Variants in TRIO observed in about 807,000 individuals in gnomAD.
TRIO encodes the protein trio Rho guanine nucleotide exchange factor, also known as triple functional domain protein.
A neutral mutation model predicts 351.9 loss-of-function variants in TRIO; 58 were observed. That is an observed-to-expected ratio of 0.16 (90% CI 0.13 to 0.21). The LOEUF is 0.21. TRIO is among the 10% of genes least tolerant of loss of function. The pLI, the probability that TRIO is intolerant of heterozygous loss-of-function variation, is 1.00. For missense variants in TRIO, 3,201 were observed against 4,027.8 expected, an observed-to-expected ratio of 0.79 and a Z score of 5.56; for synonymous variants, 1,758 against 1,595.7, an observed-to-expected ratio of 1.10 and a Z score of -2.42.
rs142212855 is a variant in TRIO at position 14,215,561 on chromosome 5, A to T, written c.158-55264A>T. Among the ~76,000 whole-genome samples, 15 of 152,334 alleles carry T rather than the reference A, an allele frequency of 9.8e-5. No individual in the cohort carries two copies. In the South Asian group the frequency reaches 2.9e-3, roughly 29 times the overall value. ...GGTTTTTCATCCATAAAATGGCTTT[A>T]GACTAAATGATTCCTTAAGTTTCTT... On this transcript the variant is annotated intron_variant, in intron 1 of 56. Coordinates refer to ENST00000344204, the MANE Select transcript of TRIO (RefSeq NM_007118.4).
intron 8 of TRIO, among the ~76,000 whole-genome samples, chr5:14,309,151 C>T (rs1393927245): frequency 7.3e-6 from 1 of 137,650 alleles, no homozygotes; most frequent in Admixed American, 8.7e-5. Flanking sequence ...CTATCTGTGT[C>T]TATCTGTATT....
chr5:14,419,867 G>A lies in TRIO; in HGVS notation c.5049G>A (p.Val1683=). 3 of 1,614,196 alleles carry A rather than the reference G, an allele frequency of 1.9e-6. No individual in the cohort carries two copies. Among genetic ancestry groups the A allele is most frequent in the Non-Finnish European group, 2.5e-6 (3 of 1,180,006 alleles). ...NELTIRRGQT[V]EVLERPHDKP... ...TGACCATCCGACGGGGCCAGACCGT[G>A]GAAGTTCTGGAGCGGCCGCATGACA... Residue 1683 remains valine (V), a synonymous_variant, in exon 34 of 57, where the codon GTG becomes GTA. Transcript: ENST00000344204.
At position 14,290,936 on chromosome 5, in the gene TRIO, G is replaced by A. The variant is rs928651686; in HGVS notation, c.761G>A (p.Arg254Gln). 5 of 1,614,142 alleles carry A rather than the reference G, an allele frequency of 3.1e-6. No individual in the cohort carries two copies. The highest frequency in any genetic ancestry group is 1.7e-5 in the Admixed American group (1 of 60,012). The part of the protein sequence containing the change: ...KELPQDLEGA[R>Q]NMIEEHSQLK... Reference sequence around the variant, plus strand: ...CTGCCTCAGGATTTAGAGGGGGCTCGGAATATGATCGAGGAACATTCTCAG... The same window carrying A: ...CTGCCTCAGGATTTAGAGGGGGCTCAGAATATGATCGAGGAACATTCTCAG... The change falls in exon 5 of 57, where the codon CGG becomes CAG. Residue 254 changes from arginine to glutamine, a missense_variant. Physicochemically the swap from Arg to Gln is conservative, Grantham distance 43 (BLOSUM62 1). This residue lies in a region of TRIO where 349 missense variants were observed against 449.3 expected (regional missense o/e 0.78). Transcript: ENST00000344204.
At chr5:14,477,369 C>T (rs1357502545) in intron 41 of TRIO, 1 of 154,302 alleles carries the variant, frequency 6.5e-6, no homozygotes, top group Non-Finnish European at 1.4e-5. Flanking sequence ...TGGGAAAAAT[C>T]ATGATATATT....
At chr5:14,218,743 GC>G (rs1333331665) in intron 1 of TRIO, among the ~76,000 whole-genome samples, 1 of 152,248 alleles carries the variant, frequency 6.6e-6, no homozygotes, top group Non-Finnish European at 1.5e-5. Context: ...GCTATACCCG[GC>G]TGCTGTGGGG....
chr5:14,491,520 G>A (rs528587426), intron 48 of TRIO, among the ~76,000 whole-genome samples: 5 of 152,194 alleles, frequency 3.3e-5, no homozygotes, highest in Non-Finnish European at 5.9e-5. Flanking sequence ...GGCGTTGGCA[G>A]GGGATCTGCA....
At chr5:14,473,055 G>A (rs1033279711) in intron 39 of TRIO, among the ~76,000 whole-genome samples, 1 of 152,158 alleles carries the variant, frequency 6.6e-6, no homozygotes, top group South Asian at 2.1e-4. Context: ...CTGTGGGTTC[G>A]GTTCCATCCT....
chr5:14,363,707 C>T lies in TRIO; in HGVS notation c.2392-25C>T, dbSNP rs761208347. ...GTGGCTGCATGTATATTTTTTTTGT[C>T]TTGATCTTAAATACCTTCTTTCAGA... On this transcript the variant is annotated intron_variant, in intron 13 of 56. Coordinates refer to ENST00000344204, the MANE Select transcript of TRIO (RefSeq NM_007118.4). The T allele has an allele frequency of 2.1e-5, 33 of 1,596,766 alleles. 1 individual carries two copies. The Admixed American group carries it at 2.1e-4, about 10-fold the overall frequency.
chr5:14,270,335 CCT>C (rs1171605506), intron 1 of TRIO, among the ~76,000 whole-genome samples: 1 of 152,124 alleles, frequency 6.6e-6, no homozygotes, highest in Non-Finnish European at 1.5e-5. Flanking sequence ...TTTATAATCC[CCT>C]CTCTCCGCCT....
chr5:14,327,376 C>T (rs578044736), intron 9 of TRIO, among the ~76,000 whole-genome samples: 18 of 152,202 alleles, frequency 1.2e-4, no homozygotes, highest in South Asian at 1.0e-3. Context: ...GTTGACCAGG[C>T]GGGTCTCAAA....
At chr5:14,359,007 C>G (rs1053963058) in intron 12 of TRIO, among the ~76,000 whole-genome samples, 7 of 152,174 alleles carry the variant, frequency 4.6e-5, no homozygotes, top group African/African-American at 1.7e-4. Context: ...CCTCTCGTGT[C>G]CAATATGACT....
intron 34 of TRIO, among the ~76,000 whole-genome samples, chr5:14,421,750 T>C (rs1397467468): frequency 1.3e-5 from 2 of 152,192 alleles, no homozygotes; most frequent in African/African-American, 4.8e-5. Context: ...GGTGAGGTCC[T>C]GACCATGTCC....
At chr5:14,274,704 A>ATTGT (rs538912266) in intron 2 of TRIO, among the ~76,000 whole-genome samples, 2 of 152,148 alleles carry the variant, frequency 1.3e-5, no homozygotes, top group Admixed American at 1.3e-4. Context: ...AAAAAGGACC[A>ATTGT]TTGTTTGTTT....
chr5:14,483,857 C>G (rs988003523), intron 46 of TRIO, among the ~76,000 whole-genome samples: 1 of 152,096 alleles, frequency 6.6e-6, no homozygotes, highest in Non-Finnish European at 1.5e-5. Flanking sequence ...GCCTCCCATC[C>G]CCTGAACTGT....
At chr5:14,179,420 A>C (rs1295495181) in intron 1 of TRIO, among the ~76,000 whole-genome samples, 1 of 152,162 alleles carries the variant, frequency 6.6e-6, no homozygotes, top group East Asian at 1.9e-4. Flanking sequence ...ATTCTTCAGT[A>C]ATATAAATAT....
intron 8 of TRIO, 135 bp downstream of exon 8, chr5:14,304,727 T>A (rs1738209718): frequency 1.9e-6 from 2 of 1,056,610 alleles, no homozygotes; most frequent in Non-Finnish European, 2.7e-6. Context: ...AGTTTAATTG[T>A]TTAGCATTTG....
intron 1 of TRIO, among the ~76,000 whole-genome samples, chr5:14,227,607 G>A (rs1434937433): frequency 6.6e-6 from 1 of 152,194 alleles, no homozygotes; most frequent in African/African-American, 2.4e-5. Context: ...ACCCTTTGAG[G>A]AATTTGGTTA....
chr5:14,471,529 A>G, intron 38 of TRIO, 63 bp downstream of exon 38: 1 of 1,593,078 alleles, frequency 6.3e-7, no homozygotes, highest in Non-Finnish European at 8.6e-7. Flanking sequence ...TGTTGCCTTC[A>G]AAAATGTGAC....
intron 35 of TRIO, among the ~76,000 whole-genome samples, chr5:14,462,438 G>C (rs1753898992): frequency 6.6e-6 from 1 of 152,182 alleles, no homozygotes. Context: ...TCAACATGAG[G>C]GTTGTAGCTC....
Sources: gnomAD v4.1 joint callset for allele counts (sites outside exome capture counted in the v4.1 genomes callset) on GRCh38, gnomAD v4.1.1 for gene constraint, gnomAD v4.1.1 regional missense constraint, MANE v1.5 for transcripts, NCBI Gene and HGNC (gene_info 2026-07-23, HGNC 2026-07-21) for gene names.